The following NELL2 variants were observed in gnomAD, a reference collection of about 807,000 sequenced individuals.
NELL2 encodes neural EGFL like 2, also known as protein kinase C-binding protein NELL2.
A neutral mutation model predicts 109.6 loss-of-function variants in NELL2; 41 were observed. The observed-to-expected ratio is 0.37, with a 90% CI of 0.29 to 0.49. The LOEUF (loss-of-function observed/expected upper bound fraction) is 0.49, where lower values mean the gene tolerates loss of function less well. NELL2 is among the 20% of genes least tolerant of loss of function. The probability of loss-of-function intolerance (pLI) is 0.98; values close to 1 mark genes in which losing one functional copy is unlikely to be tolerated. For synonymous variants in NELL2, 355 were observed against 344.7 expected (o/e 1.03, Z -0.33); for missense variants, 900 against 1,008.3 (o/e 0.89, Z 1.45).
chr12:44,726,516 T>C (rs1284817560), intron 9 of NELL2, among the ~76,000 whole-genome samples: 2 of 152,174 alleles, frequency 1.3e-5, no homozygotes, highest in African/African-American at 4.8e-5. Context: ...GGTTAGAATT[T>C]GGACTCATTC....
At chr12:44,893,005 C>T (rs772264817) in intron 1 of NELL2, among the ~76,000 whole-genome samples, 1 of 152,168 alleles carries the variant, frequency 6.6e-6, no homozygotes, top group Non-Finnish European at 1.5e-5. Flanking sequence ...ATTCACAATA[C>T]TCTATCAGTC....
At chr12:44,720,015 T>G (rs1282721639) in intron 9 of NELL2, among the ~76,000 whole-genome samples, 1 of 130,334 alleles carries the variant, frequency 7.7e-6, no homozygotes, top group Non-Finnish European at 1.8e-5. Context: ...CTATGCTGCA[T>G]TTATCCTGCC....
chr12:44,784,817 G>C (rs1294365074), intron 3 of NELL2, among the ~76,000 whole-genome samples: 1 of 152,108 alleles, frequency 6.6e-6, no homozygotes, highest in Admixed American at 6.5e-5. Context: ...AAAGGGCTTC[G>C]ATAAAATTCA....
At chr12:44,729,116 C>T (rs1939230615) in intron 9 of NELL2, among the ~76,000 whole-genome samples, 1 of 152,040 alleles carries the variant, frequency 6.6e-6, no homozygotes. Flanking sequence ...TATATATCAC[C>T]TTTAATTCTG....
chr12:44,641,601 G>C (rs1389637660), intron 13 of NELL2, among the ~76,000 whole-genome samples: 1 of 151,626 alleles, frequency 6.6e-6, no homozygotes, highest in African/African-American at 2.4e-5. Context: ...ATGGGAGAAA[G>C]AGTGCAGGAT....
chr12:44,603,289 C>A (rs1431271121), intron 15 of NELL2, among the ~76,000 whole-genome samples: 2 of 151,988 alleles, frequency 1.3e-5, no homozygotes, highest in Non-Finnish European at 2.9e-5. Flanking sequence ...CCATTTGTTA[C>A]CAACTTTTTC....
chr12:44,739,419 G>A (rs113450909), intron 9 of NELL2, among the ~76,000 whole-genome samples: 3,257 of 152,148 alleles, frequency 0.021, 111 homozygotes, highest in African/African-American at 0.071. Flanking sequence ...TAGTGGCCCC[G>A]GGAATTGACT....
chr12:44,631,309 A>G (rs1293639347), intron 13 of NELL2, among the ~76,000 whole-genome samples: 1 of 151,060 alleles, frequency 6.6e-6, no homozygotes, highest in Admixed American at 6.6e-5. Flanking sequence ...AGAGTTCCAC[A>G]TGTTATGGGG....
At chr12:44,652,211 A>C (rs1028770349) in intron 13 of NELL2, among the ~76,000 whole-genome samples, 1 of 152,202 alleles carries the variant, frequency 6.6e-6, no homozygotes, top group Non-Finnish European at 1.5e-5. Context: ...ATAACCATGT[A>C]AATCTACATT....
chr12:44,718,319 G>C (rs548707019), intron 9 of NELL2, among the ~76,000 whole-genome samples: 1 of 152,258 alleles, frequency 6.6e-6, no homozygotes, highest in Admixed American at 6.5e-5. Context: ...ACCGTCCCTG[G>C]AATTCTCTAA....
At chr12:44,517,371 T>TTCTCTCTC (rs71093810) in intron 19 of NELL2, among the ~76,000 whole-genome samples, 11 of 102,506 alleles carry the variant, frequency 1.1e-4, no homozygotes, top group East Asian at 6.4e-4. Flanking sequence ...ACCAACTACT[T>TTCTCTCTC]TCTCTCTCTC....
intron 2 of NELL2, among the ~76,000 whole-genome samples, chr12:44,847,584 T>C (rs1315328049): frequency 6.8e-6 from 1 of 146,102 alleles, no homozygotes; most frequent in Non-Finnish European, 1.5e-5. Flanking sequence ...AAAAAAAGCC[T>C]TGTACTCCTT....
chr12:44,792,657 G>A (rs1942477926), intron 3 of NELL2, among the ~76,000 whole-genome samples: 1 of 151,998 alleles, frequency 6.6e-6, no homozygotes, highest in South Asian at 2.1e-4. Flanking sequence ...AAATCAACTA[G>A]ATGGATTTTT....
chr12:44,887,620 G>T (rs1432737973), intron 1 of NELL2, among the ~76,000 whole-genome samples: 1 of 149,402 alleles, frequency 6.7e-6, no homozygotes, highest in Non-Finnish European at 1.5e-5. Flanking sequence ...AAATTATTTG[G>T]GGTTTGGGGG....
chr12:44,639,095 C>A (rs769821095), intron 13 of NELL2, among the ~76,000 whole-genome samples: 88 of 152,092 alleles, frequency 5.8e-4, no homozygotes, highest in Non-Finnish European at 1.8e-4. Context: ...CCTATTAATT[C>A]AGTTGAGCAA....
intron 15 of NELL2, among the ~76,000 whole-genome samples, chr12:44,576,512 T>A (rs1944091204): frequency 6.6e-6 from 1 of 152,158 alleles, no homozygotes; most frequent in Non-Finnish European, 1.5e-5. Context: ...GACATCTATC[T>A]TATGATGTAC....
At chr12:44,834,611 G>C (rs1943994387) in intron 2 of NELL2, among the ~76,000 whole-genome samples, 1 of 152,112 alleles carries the variant, frequency 6.6e-6, no homozygotes, top group Non-Finnish European at 1.5e-5. Flanking sequence ...GGCAGGGGTG[G>C]GGCACTAAGG....
intron 19 of NELL2, among the ~76,000 whole-genome samples, chr12:44,517,723 G>T (rs1941340628): frequency 6.6e-6 from 1 of 151,862 alleles, no homozygotes; most frequent in African/African-American, 2.4e-5. Context: ...CTACTGACTA[G>T]CATATTGAAC....
chr12:44,732,497 T>G (rs1939421223), intron 9 of NELL2, among the ~76,000 whole-genome samples: 1 of 151,842 alleles, frequency 6.6e-6, no homozygotes, highest in African/African-American at 2.4e-5. Context: ...GAAAACAATA[T>G]CAAATGCAGA....
Sources: gnomAD v4.1 joint callset for allele counts (sites outside exome capture counted in the v4.1 genomes callset) on GRCh38, gnomAD v4.1.1 for gene constraint, MANE v1.5 for transcripts, NCBI Gene and HGNC (gene_info 2026-07-23, HGNC 2026-07-21) for gene names.